LRMDA: variants seen among roughly 807,000 people sequenced by gnomAD.
LRMDA encodes the protein leucine rich melanocyte differentiation associated, also known as leucine-rich melanocyte differentiation-associated protein.
In LRMDA, 18 loss-of-function variants were observed where a neutral mutation model predicts 29.8. The observed-to-expected ratio is 0.60, with a 90% CI of 0.42 to 0.90. The LOEUF is 0.90. Among genes scored for constraint, LRMDA ranks in the 40% least tolerant of loss-of-function variants. The pLI is 0.00. For synonymous variants in LRMDA, 125 were observed against 109.4 expected (o/e 1.14, Z -0.89); for missense variants, 273 against 273.9 (o/e 1.00, Z 0.02).
chr10:76,193,074 G>A (rs1245841207), intron 5 of LRMDA, among the ~76,000 whole-genome samples: 2 of 152,126 alleles, frequency 1.3e-5, no homozygotes, highest in African/African-American at 4.8e-5. Context: ...GTCATCGCTG[G>A]ACTAAGGCTA....
chr10:75,875,620 C>CG (rs1394774406), intron 2 of LRMDA, among the ~76,000 whole-genome samples: 2 of 152,070 alleles, frequency 1.3e-5, no homozygotes, highest in East Asian at 1.9e-4. Flanking sequence ...TTAGTAGAGA[C>CG]GGGGTTTCAC....
intron 5 of LRMDA, among the ~76,000 whole-genome samples, chr10:76,298,620 G>A (rs973969682): frequency 6.6e-6 from 1 of 152,112 alleles, no homozygotes; most frequent in East Asian, 1.9e-4. Context: ...AGAGGCCTGG[G>A]GTAGCCAAAG....
chr10:76,540,873 G>A (rs917010840), intron 6 of LRMDA, among the ~76,000 whole-genome samples: 5 of 152,078 alleles, frequency 3.3e-5, no homozygotes, highest in African/African-American at 1.2e-4. Flanking sequence ...TTGGGAAGAT[G>A]GATCTTTGTT....
chr10:75,745,477 T>C (rs1309327144), intron 2 of LRMDA, among the ~76,000 whole-genome samples: 2 of 152,348 alleles, frequency 1.3e-5, no homozygotes, highest in East Asian at 3.9e-4. Context: ...TCTTCCCATT[T>C]CTTTTAAAAA....
At chr10:76,347,365 A>C (rs924536276) in intron 6 of LRMDA, among the ~76,000 whole-genome samples, 3 of 152,216 alleles carry the variant, frequency 2.0e-5, no homozygotes, top group African/African-American at 4.8e-5. Flanking sequence ...GAATTTAGGT[A>C]TACTACGCCA....
intron 5 of LRMDA, among the ~76,000 whole-genome samples, chr10:76,220,469 C>T (rs574628582): frequency 7.9e-5 from 12 of 152,184 alleles, no homozygotes; most frequent in South Asian, 4.2e-4. Context: ...ATACAAACTA[C>T]GATCAGAGAA....
intron 2 of LRMDA, among the ~76,000 whole-genome samples, chr10:75,486,757 C>T (rs1381873481): frequency 1.3e-5 from 2 of 152,158 alleles, no homozygotes; most frequent in Non-Finnish European, 2.9e-5. Context: ...GCAGTTGAGT[C>T]AGGGTCCCAT....
chr10:76,299,499 G>C (rs2132358465), intron 5 of LRMDA, among the ~76,000 whole-genome samples: 1 of 152,192 alleles, frequency 6.6e-6, no homozygotes, highest in South Asian at 2.1e-4. Flanking sequence ...TTTGGGAAGA[G>C]GTCAGATGTG....
chr10:75,830,672 C>T (rs1844325392), intron 2 of LRMDA, among the ~76,000 whole-genome samples: 1 of 152,148 alleles, frequency 6.6e-6, no homozygotes, highest in South Asian at 2.1e-4. Context: ...CAGGTCCCTC[C>T]CACAACACAT....
chr10:76,438,942 T>G (rs1346316015), intron 6 of LRMDA, among the ~76,000 whole-genome samples: 1 of 152,194 alleles, frequency 6.6e-6, no homozygotes, highest in Non-Finnish European at 1.5e-5. Flanking sequence ...AATGTATATG[T>G]GCATACCTGC....
At chr10:75,802,985 T>C (rs1843785031) in intron 2 of LRMDA, among the ~76,000 whole-genome samples, 1 of 143,202 alleles carries the variant, frequency 7.0e-6, no homozygotes, top group Non-Finnish European at 1.5e-5. Flanking sequence ...TTTTTTTTTT[T>C]CTTAGCTCCC....
At chr10:76,131,453 C>T (rs930955060) in intron 5 of LRMDA, among the ~76,000 whole-genome samples, 2 of 152,128 alleles carry the variant, frequency 1.3e-5, no homozygotes, top group Non-Finnish European at 2.9e-5. Flanking sequence ...TTTCAATGGA[C>T]ATTTTTATGT....
At chr10:75,950,253 C>T (rs1846551019) in intron 2 of LRMDA, among the ~76,000 whole-genome samples, 1 of 152,228 alleles carries the variant, frequency 6.6e-6, no homozygotes. Context: ...GTAGCCACTG[C>T]CCAGGGCCAA....
At position 76,356,917 on chromosome 10, in the gene LRMDA, G is replaced by A. The variant is rs192250389; in HGVS notation, c.601+32432G>A. 9.9e-5 allele frequency among the ~76,000 whole-genome samples: 15 copies of A among 152,216 alleles called. No individual in the cohort carries two copies. In the East Asian group the frequency reaches 2.9e-3, roughly 29 times the overall value. ...TGGGAGGGATATAAACAATGACTTT[G>A]GAATTTTTATCTTTCCATCCTGTGG... On this transcript the variant is annotated intron_variant, in intron 6 of 6. Coordinates refer to ENST00000611255, the MANE Select transcript of LRMDA (RefSeq NM_001305581.2).
intron 2 of LRMDA, among the ~76,000 whole-genome samples, chr10:75,809,809 C>T (rs1843925239): frequency 6.6e-6 from 1 of 152,176 alleles, no homozygotes; most frequent in Non-Finnish European, 1.5e-5. Flanking sequence ...GTGAACCATT[C>T]AGGAGGTCAG....
At chr10:75,453,712 G>A (rs1353142814) in intron 2 of LRMDA, among the ~76,000 whole-genome samples, 1 of 152,222 alleles carries the variant, frequency 6.6e-6, no homozygotes, top group Non-Finnish European at 1.5e-5. Context: ...GGAGCAGAAG[G>A]TGAGAGGGGA....
At chr10:76,543,316 CTGTGTGTGTGTGTGTGTGTGTGTGTGTG>C (rs71028203) in intron 6 of LRMDA, among the ~76,000 whole-genome samples, 1 of 144,224 alleles carries the variant, frequency 6.9e-6, no homozygotes. Flanking sequence ...TGGGGTGTGC[CTGTGTGTGTGTGTGTGTGTGTGTGTGTG>C]TGTGTGTGTG....
At chr10:76,427,120 G>T (rs948644645) in intron 6 of LRMDA, among the ~76,000 whole-genome samples, 1 of 152,132 alleles carries the variant, frequency 6.6e-6, no homozygotes, top group Non-Finnish European at 1.5e-5. Context: ...CTTTAAAGTA[G>T]TTTTTTCCAA....
intron 5 of LRMDA, among the ~76,000 whole-genome samples, chr10:76,147,793 GT>G (rs1387462082): frequency 1.3e-5 from 2 of 152,114 alleles, no homozygotes; most frequent in Non-Finnish European, 2.9e-5. Flanking sequence ...TTTCTGGTCT[GT>G]TTTTTTCCCA....
Sources: gnomAD v4.1 joint callset for allele counts (sites outside exome capture counted in the v4.1 genomes callset) on GRCh38, gnomAD v4.1.1 for gene constraint, MANE v1.5 for transcripts, NCBI Gene and HGNC (gene_info 2026-07-23, HGNC 2026-07-21) for gene names.